The following ANKRD44 variants were observed in gnomAD, a reference collection of about 807,000 sequenced individuals.
ANKRD44 encodes ankyrin repeat domain 44, also known as serine/threonine-protein phosphatase 6 regulatory ankyrin repeat subunit B.
A neutral mutation model predicts 116.0 loss-of-function variants in ANKRD44; 35 were observed. That is an observed-to-expected ratio of 0.30 (90% CI 0.23 to 0.40). The LOEUF (loss-of-function observed/expected upper bound fraction) is 0.40, where lower values mean the gene tolerates loss of function less well. Ranked by LOEUF, ANKRD44 falls within the 10% of genes least tolerant of loss-of-function variation. The probability of loss-of-function intolerance (pLI) is 1.00; values close to 1 mark genes in which losing one functional copy is unlikely to be tolerated. For missense variants in ANKRD44, 1,014 were observed against 1,242.6 expected (o/e 0.82, Z 2.77); for synonymous variants, 435 against 461.8 (o/e 0.94, Z 0.74).
At chr2:196,996,026 T>C (rs555336241) in intron 25 of ANKRD44, among the ~76,000 whole-genome samples, 1 of 152,314 alleles carries the variant, frequency 6.6e-6, no homozygotes, top group Non-Finnish European at 1.5e-5. Context: ...AGATAGATGG[T>C]TAATAATTTT....
intron 12 of ANKRD44, 93 bp downstream of exon 12, chr2:197,088,618 A>C (rs2077977460): frequency 1.4e-6 from 1 of 731,024 alleles, no homozygotes; most frequent in African/African-American, 1.9e-5. Context: ...TTATTTTACT[A>C]AGGAAATTGC....
chr2:197,271,026 TG>T (rs2082884161), intron 1 of ANKRD44, among the ~76,000 whole-genome samples: 1 of 152,196 alleles, frequency 6.6e-6, no homozygotes. Context: ...GGACCTGTGC[TG>T]GGAAGAGCCG....
chr2:197,058,883 T>C lies in ANKRD44; in HGVS notation c.1650+19820A>G, dbSNP rs961354407. 5.9e-5 allele frequency among the ~76,000 whole-genome samples: 9 copies of C among 152,208 alleles called. No individual in the cohort carries two copies. The East Asian group carries it at 1.5e-3, about 26-fold the overall frequency. On this transcript the variant is annotated intron_variant, in intron 16 of 27. Transcript: ENST00000282272. ...CTATAAAATACTCCAGAATGATGGG[T>C]GTTACATCTGATCAATTCCACTTGC...
At position 197,125,997 on chromosome 2, in the gene ANKRD44, T is replaced by G; in HGVS notation, c.302A>C (p.Asn101Thr). 1 of 1,614,250 alleles carries G rather than the reference T, an allele frequency of 6.2e-7. No homozygotes were observed. Among genetic ancestry groups the G allele is most frequent in the Non-Finnish European group, 8.5e-7 (1 of 1,180,040 alleles). Reference sequence around the variant, plus strand: ...GGTCTGCCAGTTCTTGTCCCTTGCATTGACATCAGCTGAGTGCTTAATCAA... The same window carrying G: ...GGTCTGCCAGTTCTTGTCCCTTGCAGTGACATCAGCTGAGTGCTTAATCAA... ...QVLIKHSADV[N>T]ARDKNWQTPL... Residue 101 changes from asparagine to threonine, a missense_variant, in exon 5 of 28, where the codon AAT becomes ACT. Physicochemically the swap from Asn to Thr is moderately conservative, Grantham distance 65 (BLOSUM62 0). Transcript: ENST00000282272.
At chr2:197,018,394 T>G (rs745998471) in intron 17 of ANKRD44, among the ~76,000 whole-genome samples, 2 of 152,174 alleles carry the variant, frequency 1.3e-5, no homozygotes. Context: ...AATAGCTGCA[T>G]GTCCCCCTCT....
chr2:196,977,007 A>G (rs1179233739), intron 21 of ANKRD44, among the ~76,000 whole-genome samples: 1 of 152,146 alleles, frequency 6.6e-6, no homozygotes, highest in Non-Finnish European at 1.5e-5. Flanking sequence ...TTTTTAAAAA[A>G]CAATTGTACT....
chr2:197,118,643 GAAA>G (rs2078774975), intron 8 of ANKRD44, among the ~76,000 whole-genome samples: 1 of 147,238 alleles, frequency 6.8e-6, no homozygotes, highest in African/African-American at 2.5e-5. Context: ...GAGAGAGAAA[GAAA>G]GAAAGAAAGA....
intron 17 of ANKRD44, among the ~76,000 whole-genome samples, chr2:197,017,565 T>C (rs10178724): frequency 0.91 from 138,009 of 152,278 alleles, 62,603 homozygotes; most frequent in East Asian, 1. Context: ...TCATTTATAA[T>C]AGGTAGTATA....
chr2:197,049,276 T>C (rs1351575267), intron 16 of ANKRD44, among the ~76,000 whole-genome samples: 2 of 152,192 alleles, frequency 1.3e-5, no homozygotes, highest in Non-Finnish European at 2.9e-5. Flanking sequence ...CTGAATGGTA[T>C]TGCCTAGGTT....
At chr2:197,304,119 G>A (rs2195508) in intron 1 of ANKRD44, among the ~76,000 whole-genome samples, 71,958 of 151,828 alleles carry the variant, frequency 0.47, 18,115 homozygotes, top group African/African-American at 0.65. Flanking sequence ...CAGCCTGGCC[G>A]ACATGGTGAA....
intron 2 of ANKRD44, among the ~76,000 whole-genome samples, chr2:197,186,622 T>C (rs1236030717): frequency 9.6e-5 from 8 of 83,708 alleles, no homozygotes; most frequent in Admixed American, 2.1e-4. Context: ...CTTTTTTTTT[T>C]TTTTTTTTTT....
At chr2:197,002,349 C>T (rs1394528554) in intron 21 of ANKRD44, among the ~76,000 whole-genome samples, 2 of 152,172 alleles carry the variant, frequency 1.3e-5, no homozygotes, top group Admixed American at 6.5e-5. Flanking sequence ...GTTCTTGGCA[C>T]ATCATGGGCA....
chr2:197,195,119 G>A (rs1236015051), intron 1 of ANKRD44, among the ~76,000 whole-genome samples: 4 of 152,202 alleles, frequency 2.6e-5, no homozygotes, highest in African/African-American at 4.8e-5. Context: ...CAGACTATGG[G>A]CACAGGCCAC....
intron 1 of ANKRD44, among the ~76,000 whole-genome samples, chr2:197,194,925 G>A (rs1414709674): frequency 6.6e-6 from 1 of 152,212 alleles, no homozygotes; most frequent in Non-Finnish European, 1.5e-5. Flanking sequence ...GGGGACTGGA[G>A]AGTAAATCTT....
rs867481176 is a variant in ANKRD44 at position 197,147,171 on chromosome 2, T to C, written c.112-66A>G. 5.2e-6 allele frequency: 7 copies of C among 1,343,318 alleles called. No homozygotes were observed. The East Asian group carries it at 9.4e-5, about 18-fold the overall frequency. The allele number at this position is 1,343,318 out of a possible 1,614,324, so 83.2% of individuals were successfully genotyped here. A position where few individuals can be genotyped will look rare whatever the true frequency, so the allele number is the denominator to read the frequency against. The stretch of plus-strand genomic sequence containing the variant: ...CAGCTGGAGGTCCCTTTTGTAGACA[T>C]AGTAAGACGTGTCACTCACTCTGTG... On this transcript the variant is annotated intron_variant, in intron 2 of 27. Transcript: ENST00000282272.
At chr2:197,220,150 T>C (rs2081550690) in intron 1 of ANKRD44, among the ~76,000 whole-genome samples, 2 of 152,228 alleles carry the variant, frequency 1.3e-5, no homozygotes, top group African/African-American at 4.8e-5. Flanking sequence ...AAGATAGCAG[T>C]CATATCCTAA....
chr2:197,048,013 C>T (rs946296591), intron 16 of ANKRD44, among the ~76,000 whole-genome samples: 6 of 152,046 alleles, frequency 3.9e-5, no homozygotes, highest in African/African-American at 1.4e-4. Flanking sequence ...AGACAAAAAC[C>T]CACCATACAT....
At chr2:197,126,159 G>A in intron 4 of ANKRD44, 122 bp from the exon 5 acceptor site, 1 of 878,664 alleles carries the variant, frequency 1.1e-6, no homozygotes, top group South Asian at 1.6e-5. Flanking sequence ...CTACAGGCTG[G>A]CTCCAGACAA....
intron 16 of ANKRD44, among the ~76,000 whole-genome samples, chr2:197,051,338 C>A (rs1165434886): frequency 2.0e-5 from 3 of 152,140 alleles, no homozygotes; most frequent in Admixed American, 6.5e-5. Context: ...TAATTCTCTA[C>A]CAAATACAGT....
Sources: allele counts gnomAD v4.1 joint callset (sites outside exome capture counted in the v4.1 genomes callset), GRCh38; gene constraint gnomAD v4.1.1; transcripts MANE v1.5; gene names NCBI Gene and HGNC (gene_info 2026-07-23, HGNC 2026-07-21).